TMTC2: variants seen among roughly 807,000 people sequenced by gnomAD.
TMTC2 encodes the protein transmembrane O-mannosyltransferase targeting cadherins 2, also known as protein O-mannosyl-transferase TMTC2.
A neutral mutation model predicts 82.4 loss-of-function variants in TMTC2; 43 were observed. The ratio of observed to expected loss-of-function variants is 0.52; its 90% CI spans 0.41 to 0.67. The LOEUF (loss-of-function observed/expected upper bound fraction) is 0.67. Ranked by LOEUF, TMTC2 falls within the 30% of genes least tolerant of loss-of-function variation. TMTC2 has a pLI of 0.00. For missense variants in TMTC2, 919 were observed against 1,012.4 expected, an observed-to-expected ratio of 0.91 and a Z score of 1.25; for synonymous variants, 408 against 381.9, an observed-to-expected ratio of 1.07 and a Z score of -0.80.
chr12:82,977,138 T>A (rs185632666), intron 7 of TMTC2, among the ~76,000 whole-genome samples: 12 of 152,122 alleles, frequency 7.9e-5, no homozygotes, highest in Non-Finnish European at 1.6e-4. Context: ...AAATCAAGAA[T>A]TGAATACTAT....
chr12:83,018,661 G>GA (rs1248328304), intron 8 of TMTC2, among the ~76,000 whole-genome samples: 1 of 36,296 alleles, frequency 2.8e-5, no homozygotes, highest in African/African-American at 8.6e-5. Flanking sequence ...TAAAATTTGC[G>GA]GGTTTTTTTT....
intron 11 of TMTC2, among the ~76,000 whole-genome samples, chr12:83,129,084 A>T (rs879274134): frequency 9.2e-5 from 14 of 152,340 alleles, no homozygotes; most frequent in Admixed American, 9.1e-4. Flanking sequence ...TAAGCATTAC[A>T]TAATGCACAT....
At chr12:82,927,454 G>A (rs78766161) in intron 3 of TMTC2, among the ~76,000 whole-genome samples, 2,985 of 152,308 alleles carry the variant, frequency 0.02, 102 homozygotes, top group East Asian at 0.17. Flanking sequence ...TTGAGGTGCA[G>A]TCTACTCCTG....
intron 1 of TMTC2, among the ~76,000 whole-genome samples, chr12:82,792,259 A>T (rs1034250925): frequency 6.6e-6 from 1 of 151,914 alleles, no homozygotes; most frequent in Admixed American, 6.5e-5. Context: ...ACTAGAGTTC[A>T]GTACTGTAAT....
At chr12:82,732,246 A>G (rs1185413585) in intron 1 of TMTC2, among the ~76,000 whole-genome samples, 2 of 152,076 alleles carry the variant, frequency 1.3e-5, no homozygotes, top group Admixed American at 6.5e-5. Context: ...TGATCTTTCT[A>G]CAGATTCTTG....
chr12:82,818,972 A>G (rs1232912729), intron 1 of TMTC2, among the ~76,000 whole-genome samples: 1 of 152,076 alleles, frequency 6.6e-6, no homozygotes, highest in East Asian at 1.9e-4. Flanking sequence ...TTTGGTGTGA[A>G]AAGATAACTT....
chr12:82,850,859 A>G (rs1555190763), intron 1 of TMTC2, among the ~76,000 whole-genome samples: 1 of 151,590 alleles, frequency 6.6e-6, no homozygotes, highest in South Asian at 2.1e-4. Context: ...AGGTCAAGAG[A>G]TGGAGACCAT....
At chr12:82,753,300 C>T (rs891432347) in intron 1 of TMTC2, among the ~76,000 whole-genome samples, 3 of 149,498 alleles carry the variant, frequency 2.0e-5, no homozygotes, top group Non-Finnish European at 4.4e-5. Flanking sequence ...ATTGTCATGC[C>T]AGTATGCTAG....
intron 2 of TMTC2, among the ~76,000 whole-genome samples, chr12:82,887,815 C>T (rs543195029): frequency 2.0e-5 from 3 of 152,288 alleles, no homozygotes; most frequent in Admixed American, 6.5e-5. Flanking sequence ...TGTGGTGGCT[C>T]ATGCCTGTAG....
At chr12:82,873,072 TATC>T (rs1391471184) in intron 2 of TMTC2, among the ~76,000 whole-genome samples, 5 of 152,222 alleles carry the variant, frequency 3.3e-5, no homozygotes, top group Admixed American at 2.6e-4. Flanking sequence ...GTAATTCACA[TATC>T]ATAAAATTGA....
chr12:82,905,571 G>T (rs1874248526), intron 3 of TMTC2, among the ~76,000 whole-genome samples: 1 of 152,144 alleles, frequency 6.6e-6, no homozygotes, highest in South Asian at 2.1e-4. Flanking sequence ...ATACATATTT[G>T]GAACTTTCAA....
intron 2 of TMTC2, among the ~76,000 whole-genome samples, chr12:82,871,912 G>A (rs1454539127): frequency 6.6e-6 from 1 of 151,572 alleles, no homozygotes; most frequent in Admixed American, 6.6e-5. Context: ...ACAAACACCT[G>A]CTCTCTCAGG....
At chr12:82,953,573 A>G (rs79090388) in intron 4 of TMTC2, among the ~76,000 whole-genome samples, 181 of 152,326 alleles carry the variant, frequency 1.2e-3, no homozygotes, top group African/African-American at 4.0e-3. Context: ...CAAGTGTCAT[A>G]TTATAAATGT....
intron 11 of TMTC2, among the ~76,000 whole-genome samples, chr12:83,090,088 G>A (rs1375050203): frequency 3.3e-5 from 5 of 152,152 alleles, no homozygotes; most frequent in African/African-American, 1.2e-4. Flanking sequence ...AAAGGGTATG[G>A]ACAGTCATAA....
At chr12:82,977,921 T>G (rs2137323605) in intron 7 of TMTC2, among the ~76,000 whole-genome samples, 1 of 151,786 alleles carries the variant, frequency 6.6e-6, no homozygotes, top group South Asian at 2.1e-4. Context: ...TTATTTAAAA[T>G]AACAAAACAC....
intron 1 of TMTC2, among the ~76,000 whole-genome samples, chr12:82,735,163 AAATC>A (rs752623749): frequency 6.6e-6 from 1 of 152,152 alleles, no homozygotes; most frequent in Non-Finnish European, 1.5e-5. Context: ...TGTTTAAATC[AAATC>A]AATCATATGC....
chr12:82,942,944 CAT>C (rs1256961253), intron 4 of TMTC2, among the ~76,000 whole-genome samples: 1 of 152,064 alleles, frequency 6.6e-6, no homozygotes, highest in Non-Finnish European at 1.5e-5. Flanking sequence ...TTGTATATAA[CAT>C]AAAATTTTAT....
intron 1 of TMTC2, chr12:82,759,803 T>C (rs144613699): frequency 1.2e-4 from 18 of 152,314 alleles, no homozygotes; most frequent in African/African-American, 4.1e-4. Context: ...ATCTATCGAG[T>C]GGCAACTTGG....
chr12:83,091,623 A>G (rs114970790), intron 11 of TMTC2, among the ~76,000 whole-genome samples: 2,310 of 152,260 alleles, frequency 0.015, 45 homozygotes, highest in African/African-American at 0.053. Context: ...TTTGGCTACT[A>G]CTGTGGTAAT....
Sources: gnomAD v4.1 joint callset for allele counts (sites outside exome capture counted in the v4.1 genomes callset) on GRCh38, gnomAD v4.1.1 for gene constraint, MANE v1.5 for transcripts, NCBI Gene and HGNC (gene_info 2026-07-23, HGNC 2026-07-21) for gene names.